PCDH15: variants seen among roughly 807,000 people sequenced by gnomAD.
The protein encoded by PCDH15 is protocadherin related 15.
PCDH15 carries 129 observed loss-of-function variants against 178.5 expected under a neutral mutation model. The observed-to-expected ratio is 0.72, with a 90% CI of 0.63 to 0.84. PCDH15 has a LOEUF of 0.84. PCDH15 is among the 40% of genes least tolerant of loss of function. The pLI, the probability that PCDH15 is intolerant of heterozygous loss-of-function variation, is 0.00. For missense variants in PCDH15, 2,230 were observed against 2,099.9 expected (o/e 1.06, Z -1.21); for synonymous variants, 800 against 732.0 (o/e 1.09, Z -1.50).
At chr10:53,838,681 C>G (rs1001987161) in intron 29 of PCDH15, among the ~76,000 whole-genome samples, 21 of 152,114 alleles carry the variant, frequency 1.4e-4, no homozygotes, top group African/African-American at 4.8e-4. Context: ...TGTTGATTTT[C>G]TGACAATCGA....
At chr10:54,654,708 C>T (rs1326343726) in intron 2 of PCDH15, among the ~76,000 whole-genome samples, 1 of 152,148 alleles carries the variant, frequency 6.6e-6, no homozygotes, top group Non-Finnish European at 1.5e-5. Context: ...TACATTTTTG[C>T]TCAACTTCGA....
chr10:54,225,949 G>C (rs1591288739), intron 9 of PCDH15, among the ~76,000 whole-genome samples: 1 of 152,190 alleles, frequency 6.6e-6, no homozygotes, highest in African/African-American at 2.4e-5. Context: ...GGGATAAGCA[G>C]CAGTGTATTA....
chr10:54,965,956 TTA>T (rs1332013554), intron 2 of PCDH15, among the ~76,000 whole-genome samples: 1 of 150,740 alleles, frequency 6.6e-6, no homozygotes. Flanking sequence ...TAATACATAA[TTA>T]TATAATAGAC....
intron 3 of PCDH15, among the ~76,000 whole-genome samples, chr10:54,485,672 C>G (rs1297582670): frequency 2.0e-5 from 3 of 151,934 alleles, no homozygotes; most frequent in Non-Finnish European, 4.4e-5. Context: ...CTAAGCAGGA[C>G]AGATGGAGTT....
At chr10:55,034,329 T>C (rs1024696944) in intron 2 of PCDH15, among the ~76,000 whole-genome samples, 33 of 151,960 alleles carry the variant, frequency 2.2e-4, no homozygotes, top group African/African-American at 7.0e-4. Flanking sequence ...ACAGTGAGAG[T>C]TGAATGTTAT....
At position 55,387,025 on chromosome 10, in the gene PCDH15, G is replaced by C. The variant is rs141758734; in HGVS notation, c.-155-220374C>G. 4.7e-3 allele frequency among the ~76,000 whole-genome samples: 711 copies of C among 152,158 alleles called. 6 individuals are homozygous for C. Among genetic ancestry groups the C allele is most frequent in the African/African-American group, 0.016 (680 of 41,532 alleles). On this transcript the variant is annotated intron_variant, in intron 2 of 5. Coordinates refer to the PCDH15 transcript ENST00000613346. ...TTAACAATAACATATCTGTAAAATAGAATAGATAAATTATAATCGGAAGCT... is the reference window on the plus strand; with the variant it reads ...TTAACAATAACATATCTGTAAAATACAATAGATAAATTATAATCGGAAGCT...
intron 2 of PCDH15, among the ~76,000 whole-genome samples, chr10:54,536,534 AT>A (rs2084545431): frequency 6.6e-6 from 1 of 152,156 alleles, no homozygotes; most frequent in Non-Finnish European, 1.5e-5. Flanking sequence ...GAGGTATACA[AT>A]ATGCAGGTTG....
At chr10:55,504,169 A>G (rs547429855) in intron 2 of PCDH15, among the ~76,000 whole-genome samples, 3 of 151,470 alleles carry the variant, frequency 2.0e-5, no homozygotes, top group South Asian at 2.1e-4. Flanking sequence ...TGCATTCCGG[A>G]TGCTAATGAC....
At position 54,752,476 on chromosome 10, in the gene PCDH15, C is replaced by CA. The variant is rs755874514; in HGVS notation, c.-29+48448dup. ...TGGGTGACAGAACGAGACTCCGTCT[C>CA]AAAAAAAAAAAAAAACAAAAAACAA... On this transcript the variant is annotated intron_variant, in intron 1 of 37. Transcript: ENST00000644397. 4.0e-3 allele frequency among the ~76,000 whole-genome samples: 363 copies of CA among 89,640 alleles called. 23 individuals are homozygous for CA. Among genetic ancestry groups the CA allele is most frequent in the African/African-American group, 1.0e-2 (226 of 22,680 alleles). The allele number at this position is 89,640 out of a possible 152,430, so 58.8% of individuals were successfully genotyped here. A position where few individuals can be genotyped will look rare whatever the true frequency, so the allele number is the denominator to read the frequency against.
At chr10:55,318,209 G>GA (rs962087244) in intron 1 of PCDH15, among the ~76,000 whole-genome samples, 3 of 151,898 alleles carry the variant, frequency 2.0e-5, no homozygotes, top group African/African-American at 7.3e-5. Context: ...AAAAGTTTAT[G>GA]AAAAAAACAC....
chr10:55,318,323 G>A (rs1465954001), intron 1 of PCDH15, among the ~76,000 whole-genome samples: 2 of 152,076 alleles, frequency 1.3e-5, no homozygotes, highest in Non-Finnish European at 2.9e-5. Context: ...TGAATAACTG[G>A]AAATAATACA....
chr10:55,278,754 A>G (rs1456772189), intron 1 of PCDH15, among the ~76,000 whole-genome samples: 1 of 152,198 alleles, frequency 6.6e-6, no homozygotes, highest in East Asian at 1.9e-4. Context: ...ACAAATGAAA[A>G]ATACCATTGA....
chr10:54,466,509 C>A (rs760845789), intron 3 of PCDH15, among the ~76,000 whole-genome samples: 2 of 151,762 alleles, frequency 1.3e-5, no homozygotes, highest in Non-Finnish European at 2.9e-5. Context: ...TATTTTTGGA[C>A]AATCTATTTC....
chr10:55,062,910 T>A (rs1487743032), intron 2 of PCDH15, among the ~76,000 whole-genome samples: 1 of 152,094 alleles, frequency 6.6e-6, no homozygotes, highest in African/African-American at 2.4e-5. Flanking sequence ...AAAAAATCTT[T>A]AAAATGATAG....
chr10:53,806,599 T>C lies in PCDH15; in HGVS notation c.5203A>G (p.Ile1735Val). Residue 1735 changes from isoleucine to valine, a missense_variant, in exon 38 of 38, where the codon ATA (isoleucine) becomes GTA (valine). By Grantham distance (29) the Ile-to-Val change is conservative (BLOSUM62 3). Coordinates refer to ENST00000644397, the MANE Select transcript of PCDH15 (RefSeq NM_001384140.1). ...LWMGPWNNLH[I>V]PMTKL is the part of the protein sequence containing the mutation. ...ATTGGTCACAGTTTTGTCATTGGTA[T>C]ATGGAGGTTGTTCCAGGGGCCCATC... is the stretch of plus-strand genomic sequence containing the variant. The C allele has an allele frequency of 1.2e-6, 2 of 1,613,274 alleles. No individual in the cohort carries two copies. The highest frequency in any genetic ancestry group is 1.7e-6 in the Non-Finnish European group (2 of 1,179,440).
intron 10 of PCDH15, among the ~76,000 whole-genome samples, chr10:54,203,602 A>G (rs976150313): frequency 6.6e-6 from 1 of 152,194 alleles, no homozygotes; most frequent in Non-Finnish European, 1.5e-5. Flanking sequence ...GAGTAATAGT[A>G]TATTCCTGTT....
intron 14 of PCDH15, among the ~76,000 whole-genome samples, chr10:54,145,857 G>T (rs1007465625): frequency 1.3e-5 from 2 of 151,998 alleles, no homozygotes; most frequent in African/African-American, 4.8e-5. Flanking sequence ...ATAACCAAAA[G>T]TGCCAAGTCA....
rs547458202 is a variant in PCDH15, at chr10:55,560,941, T to C, written c.-156+66684A>G. ...AAAATTTCACAAATGCAAGTCAAAT[T>C]TCACAATTTTATTTTAAGTATTAAG... On this transcript the variant is annotated intron_variant, in intron 2 of 5. Coordinates refer to the PCDH15 transcript ENST00000613346. Among the ~76,000 whole-genome samples the C allele has an allele frequency of 4.6e-5, 7 of 151,978 alleles. No individual in the cohort carries two copies. The East Asian group carries it at 9.7e-4, about 21-fold the overall frequency.
chr10:53,841,086 T>C (rs1274195515), intron 28 of PCDH15, among the ~76,000 whole-genome samples: 1 of 152,160 alleles, frequency 6.6e-6, no homozygotes, highest in African/African-American at 2.4e-5. Flanking sequence ...AAACAACATA[T>C]ACCATCTGGT....
Sources: allele counts gnomAD v4.1 joint callset (sites outside exome capture counted in the v4.1 genomes callset), GRCh38; gene constraint gnomAD v4.1.1; transcripts MANE v1.5; gene names NCBI Gene and HGNC (gene_info 2026-07-23, HGNC 2026-07-21).